The following CD38 variants were observed in gnomAD, a reference collection of about 807,000 sequenced individuals.
CD38 encodes CD38 molecule, also known as ADP-ribosyl cyclase/cyclic ADP-ribose hydrolase 1.
A neutral mutation model predicts 36.3 loss-of-function variants in CD38; 31 were observed. The observed-to-expected ratio is 0.85, with a 90% CI of 0.64 to 1.15. The LOEUF is 1.15. CD38 is among the 50% of genes most tolerant of loss of function. The probability of loss-of-function intolerance (pLI) is 0.00; values close to 1 mark genes in which losing one functional copy is unlikely to be tolerated. For missense variants in CD38, 380 were observed against 371.9 expected (o/e 1.02, Z -0.18); for synonymous variants, 131 against 135.2 (o/e 0.97, Z 0.22).
At chr4:15,802,274 A>G (rs1365593599) in intron 1 of CD38, among the ~76,000 whole-genome samples, 1 of 152,094 alleles carries the variant, frequency 6.6e-6, no homozygotes, top group East Asian at 1.9e-4. Flanking sequence ...GAACACTAAT[A>G]AAAGAAATTG....
At chr4:15,796,834 A>G (rs1192145439) in intron 1 of CD38, among the ~76,000 whole-genome samples, 1 of 152,116 alleles carries the variant, frequency 6.6e-6, no homozygotes, top group South Asian at 2.1e-4. Context: ...TAATAATTAT[A>G]TAGATTCCAC....
intron 3 of CD38, among the ~76,000 whole-genome samples, chr4:15,830,060 C>A (rs769323257): frequency 2.0e-5 from 3 of 152,146 alleles, no homozygotes; most frequent in Non-Finnish European, 4.4e-5. Context: ...CATGGGAGTG[C>A]AGATATCTCT....
At chr4:15,788,619 C>T (rs966206978) in intron 1 of CD38, among the ~76,000 whole-genome samples, 4 of 152,012 alleles carry the variant, frequency 2.6e-5, no homozygotes, top group Admixed American at 6.6e-5. Flanking sequence ...ACTTGTTGCA[C>T]GGGGGTAGGT....
chr4:15,785,305 G>A (rs1410736875), intron 1 of CD38, among the ~76,000 whole-genome samples: 1 of 152,158 alleles, frequency 6.6e-6, no homozygotes, highest in Non-Finnish European at 1.5e-5. Context: ...TTGAAGCAAA[G>A]GCTGTTTGGA....
chr4:15,789,656 G>A (rs113476594), intron 1 of CD38, among the ~76,000 whole-genome samples: 2 of 152,090 alleles, frequency 1.3e-5, no homozygotes, highest in African/African-American at 2.4e-5. Context: ...CTCATGAATG[G>A]ATTAATCCAT....
chr4:15,788,298 T>C (rs1722885771), intron 1 of CD38, among the ~76,000 whole-genome samples: 1 of 152,134 alleles, frequency 6.6e-6, no homozygotes, highest in South Asian at 2.1e-4. Context: ...ATGCTACCAA[T>C]TGGTTGGAGT....
chr4:15,841,867 C>T lies in CD38; in HGVS notation c.839+1329C>T, dbSNP rs1318161647. On this transcript the variant is annotated intron_variant, in intron 7 of 7. Coordinates refer to ENST00000226279, the MANE Select transcript of CD38 (RefSeq NM_001775.4). The stretch of plus-strand genomic sequence containing the variant: ...CTTTTCAGACCGGCTTAAGAAACGG[C>T]GCACCGCGAGACTATATCCCACACC... Among the ~76,000 whole-genome samples the T allele has an allele frequency of 1.1e-4, 13 of 121,696 alleles. 1 individual carries two copies. The highest frequency in any genetic ancestry group is 3.6e-4 in the African/African-American group (9 of 24,882). The allele number at this position is 121,696 out of a possible 152,430, so 79.8% of individuals were successfully genotyped here.
At chr4:15,786,429 C>A (rs777640686) in intron 1 of CD38, among the ~76,000 whole-genome samples, 2 of 152,116 alleles carry the variant, frequency 1.3e-5, no homozygotes, top group Non-Finnish European at 1.5e-5. Flanking sequence ...ACATAGAGTG[C>A]TGATTGGTGT....
At chr4:15,827,585 C>T (rs556426545) in intron 3 of CD38, among the ~76,000 whole-genome samples, 1 of 151,554 alleles carries the variant, frequency 6.6e-6, no homozygotes, top group African/African-American at 2.4e-5. Context: ...TTAAATTTCC[C>T]TTTTAACAAT....
chr4:15,841,546 C>A (rs779997844), intron 7 of CD38, among the ~76,000 whole-genome samples: 1 of 151,390 alleles, frequency 6.6e-6, no homozygotes, highest in East Asian at 1.9e-4. Context: ...AGCAATCTTG[C>A]GGCGGAGGAG....
At position 15,778,369 on chromosome 4, in the gene CD38, C is replaced by T. The variant is rs770075435; in HGVS notation, c.-46C>T. The T allele has an allele frequency of 3.0e-6, 4 of 1,316,804 alleles. No individual in the cohort carries two copies. Among genetic ancestry groups the T allele is most frequent in the African/African-American group, 1.4e-5 (1 of 69,400 alleles). The allele number at this position is 1,316,804 out of a possible 1,614,324, so 81.6% of individuals were successfully genotyped here. A position where few individuals can be genotyped will look rare whatever the true frequency, so the allele number is the denominator to read the frequency against. On this transcript the variant is annotated 5_prime_UTR_variant, in exon 1 of 8. Coordinates refer to ENST00000226279, the MANE Select transcript of CD38 (RefSeq NM_001775.4). The surrounding 1 kb of genome is among the most constrained non-coding windows in gnomAD (Gnocchi z 4.9). ...GCCAGCCTCTCTCTTGCTGCCTAGC[C>T]TCCTGCCGGCCTCATCTTCGCCCAG...
chr4:15,833,513 C>A (rs1355138161), intron 3 of CD38, among the ~76,000 whole-genome samples: 3 of 152,092 alleles, frequency 2.0e-5, no homozygotes, highest in African/African-American at 7.2e-5. Flanking sequence ...GGGAATGTTT[C>A]TTTTTTATTT....
At chr4:15,789,252 A>G (rs6849027) in intron 1 of CD38, among the ~76,000 whole-genome samples, 3,979 of 152,330 alleles carry the variant, frequency 0.026, 178 homozygotes, top group African/African-American at 0.091. Context: ...AACAAAACAG[A>G]TGAAATTCTT....
At chr4:15,848,015 G>A (rs192779012) in intron 7 of CD38, among the ~76,000 whole-genome samples, 1 of 152,232 alleles carries the variant, frequency 6.6e-6, no homozygotes, top group African/African-American at 2.4e-5. Context: ...CTGCTTCTGA[G>A]GATCTCTCTC....
chr4:15,848,453 T>TA (rs1246277465), intron 7 of CD38, 86 bp from the exon 8 acceptor site: 15 of 960,990 alleles, frequency 1.6e-5, no homozygotes, highest in Non-Finnish European at 2.5e-5. Context: ...TTGTCGTCGC[T>TA]AAAAAAGGGG....
In CD38 at chr4:15,849,419, G is replaced by A. The variant is rs568143169; in HGVS notation, c.*817G>A. The A allele has an allele frequency of 1.3e-5, 2 of 152,228 alleles. No individual in the cohort carries two copies. The highest frequency in any genetic ancestry group is 3.9e-4 in the East Asian group (2 of 5,186). 9.4% of individuals were successfully genotyped at this position (152,228 alleles called of 1,614,324 possible). A position where few individuals can be genotyped will look rare whatever the true frequency, so the allele number is the denominator to read the frequency against. Reference sequence around the variant, plus strand: ...CTAGGCCTTTCATACCAAACTAATAGTAGTTTATATTCTCTTCCAACAAAT... The same window carrying A: ...CTAGGCCTTTCATACCAAACTAATAATAGTTTATATTCTCTTCCAACAAAT... On this transcript the variant is annotated 3_prime_UTR_variant, in exon 8 of 8. Transcript: ENST00000226279.
chr4:15,810,372 T>C (rs1366864917), intron 1 of CD38, among the ~76,000 whole-genome samples: 1 of 152,190 alleles, frequency 6.6e-6, no homozygotes, highest in East Asian at 1.9e-4. Context: ...TGCCAGATCT[T>C]TTGTAGTGGA....
intron 1 of CD38, among the ~76,000 whole-genome samples, chr4:15,815,514 T>A (rs1723577142): frequency 6.6e-6 from 1 of 151,746 alleles, no homozygotes; most frequent in Non-Finnish European, 1.5e-5. Flanking sequence ...TATTTTATTC[T>A]CTTTGTAGCA....
chr4:15,783,214 C>G (rs1722735670), intron 1 of CD38, among the ~76,000 whole-genome samples: 2 of 152,068 alleles, frequency 1.3e-5, no homozygotes, highest in South Asian at 4.1e-4. Context: ...GGAGGGAGCC[C>G]AGTGTCTGGT....
Sources: allele counts gnomAD v4.1 joint callset (sites outside exome capture counted in the v4.1 genomes callset), GRCh38; gene constraint gnomAD v4.1.1; non-coding constraint Gnocchi (gnomAD v3.1); transcripts MANE v1.5; gene names NCBI Gene and HGNC (gene_info 2026-07-23, HGNC 2026-07-21).